MMP26: variants seen among roughly 807,000 people sequenced by gnomAD.
MMP26 encodes the protein matrix metallopeptidase 26.
Under a neutral mutation model 31.0 loss-of-function variants are expected in MMP26, and 33 were observed. The observed-to-expected ratio is 1.06, with a 90% confidence interval of 0.81 to 1.42. MMP26 has a LOEUF of 1.42. Ranked by LOEUF, MMP26 falls within the 40% of genes most tolerant of loss-of-function variation. The pLI is 0.00. For missense variants in MMP26, 347 were observed against 316.1 expected (o/e 1.10, Z -0.74); for synonymous variants, 122 against 114.9 (o/e 1.06, Z -0.40).
At chr11:4,848,720 G>A in intron 2 of MMP26, 2 of 1,614,070 alleles carry the variant, frequency 1.2e-6, no homozygotes, top group Non-Finnish European at 1.7e-6. Flanking sequence ...GGGGCAGATG[G>A]AGACCCAGGC....
chr11:4,834,896 C>CTA (rs924581963), intron 2 of MMP26, among the ~76,000 whole-genome samples: 25 of 151,284 alleles, frequency 1.7e-4, no homozygotes, highest in African/African-American at 3.9e-4. Context: ...ATTATTTTGT[C>CTA]TATATATATA....
chr11:4,987,974 G>A (rs1373865088), intron 2 of MMP26, 94 bp from the exon 3 acceptor site: 1 of 546,876 alleles, frequency 1.8e-6, no homozygotes, highest in African/African-American at 1.9e-5. Context: ...TGTGGCCCGG[G>A]ATGCTGAGGA....
At chr11:4,756,478 A>G (rs1274339675) in intron 1 of MMP26, among the ~76,000 whole-genome samples, 1 of 152,118 alleles carries the variant, frequency 6.6e-6, no homozygotes, top group East Asian at 1.9e-4. Context: ...TTTGACTTAA[A>G]TAAGTTTTTT....
chr11:4,891,204 G>A (rs1368063381), intron 2 of MMP26, among the ~76,000 whole-genome samples: 1 of 152,028 alleles, frequency 6.6e-6, no homozygotes, highest in Non-Finnish European at 1.5e-5. Context: ...AAAGAAAAGA[G>A]GTTTAATTGG....
chr11:4,820,020 C>T (rs189588104), intron 2 of MMP26, among the ~76,000 whole-genome samples: 4 of 152,148 alleles, frequency 2.6e-5, no homozygotes, highest in African/African-American at 7.2e-5. Flanking sequence ...CTTCATATCT[C>T]CACAGTTCAC....
chr11:4,765,470 TG>T (rs1399897184), intron 1 of MMP26, among the ~76,000 whole-genome samples: 1 of 152,228 alleles, frequency 6.6e-6, no homozygotes, highest in African/African-American at 2.4e-5. Context: ...CCTAGCCCCT[TG>T]TTGGCTGCTT....
chr11:4,848,504 C>T (rs1564793114), intron 2 of MMP26: 3 of 1,613,634 alleles, frequency 1.9e-6, no homozygotes, highest in South Asian at 2.2e-5. Flanking sequence ...CTCTGGACTC[C>T]ACACCTTGCA....
At chr11:4,920,999 T>C (rs1291856203) in intron 2 of MMP26, among the ~76,000 whole-genome samples, 1 of 152,228 alleles carries the variant, frequency 6.6e-6, no homozygotes, top group African/African-American at 2.4e-5. Flanking sequence ...TCTGTGAGTT[T>C]AGAGGTAGCT....
chr11:4,895,506 T>C (rs1353790788), intron 2 of MMP26, among the ~76,000 whole-genome samples: 1 of 152,164 alleles, frequency 6.6e-6, no homozygotes, highest in African/African-American at 2.4e-5. Flanking sequence ...CAAATCCCTA[T>C]CCCACAAAGA....
At chr11:4,914,927 C>T (rs1298276873) in intron 2 of MMP26, 3 of 1,614,084 alleles carry the variant, frequency 1.9e-6, no homozygotes, top group Admixed American at 1.7e-5. Context: ...GTGGGAAACA[C>T]AGGTGTTAAG....
Position 4,858,755 on chromosome 11 carries a change from G to A in MMP26, c.-145+91414G>A, listed in dbSNP as rs144853795. Among the ~76,000 whole-genome samples the A allele has an allele frequency of 8.2e-3, 1,241 of 152,196 alleles. 5 individuals carry two copies. Among genetic ancestry groups the A allele is most frequent in the Non-Finnish European group, 0.013 (870 of 68,004 alleles). On this transcript the variant is annotated intron_variant, in intron 2 of 7. Transcript: ENST00000380390. Reference sequence around the variant, plus strand: ...TTCATATGGAACCAAAAAAGAGCCCGCATTGCCAAGATAATCCTAAGCCAA... The same window carrying A: ...TTCATATGGAACCAAAAAAGAGCCCACATTGCCAAGATAATCCTAAGCCAA...
At chr11:4,975,578 A>G (rs900804944) in intron 2 of MMP26, among the ~76,000 whole-genome samples, 6 of 152,064 alleles carry the variant, frequency 3.9e-5, no homozygotes, top group Non-Finnish European at 8.8e-5. Flanking sequence ...AAGTGTATTT[A>G]ATGTTAAAAT....
chr11:4,941,676 T>C (rs966957863), intron 2 of MMP26, among the ~76,000 whole-genome samples: 2 of 152,174 alleles, frequency 1.3e-5, no homozygotes, highest in Non-Finnish European at 2.9e-5. Context: ...ATGCTACATT[T>C]TCTATTAGAT....
rs1564819722 is a variant in MMP26, at chr11:4,986,932, C to CTCTCTCCCTCTCTCTCT, written c.-144-1136_-144-1135insTCTCTCCCTCTCTCTCT. On this transcript the variant is annotated intron_variant, in intron 2 of 7. Coordinates refer to ENST00000380390, the MANE Select transcript of MMP26 (RefSeq NM_021801.5). ...CTCTCTCTCTCTCTCTCTCTCTCTCCCTCTCTCTCTCTCTCTCTCTCTCTC... is the reference window on the plus strand; with the variant it reads ...CTCTCTCTCTCTCTCTCTCTCTCTCCTCTCTCCCTCTCTCTCTCTCTCTCTCTCTCTCTCTCTCTCTC... 1.3e-3 allele frequency among the ~76,000 whole-genome samples: 80 copies of CTCTCTCCCTCTCTCTCT among 60,428 alleles called. 6 individuals are homozygous for CTCTCTCCCTCTCTCTCT. Among genetic ancestry groups the CTCTCTCCCTCTCTCTCT allele is most frequent in the South Asian group, 5.4e-3 (8 of 1,470 alleles). The allele number at this position is 60,428 out of a possible 152,430, so 39.6% of individuals were successfully genotyped here.
intron 2 of MMP26, chr11:4,915,635 C>A (rs766389992): frequency 2.5e-6 from 4 of 1,613,242 alleles, no homozygotes; most frequent in Non-Finnish European, 3.4e-6. Context: ...AACGCTGCTG[C>A]TGCTGTTTCC....
chr11:4,848,424 A>G (rs757916167), intron 2 of MMP26: 1 of 1,613,942 alleles, frequency 6.2e-7, no homozygotes, highest in South Asian at 1.1e-5. Context: ...CAGGAGGATC[A>G]TAGGGATATA....
At chr11:4,910,262 A>G (rs921296040) in intron 2 of MMP26, among the ~76,000 whole-genome samples, 2 of 152,018 alleles carry the variant, frequency 1.3e-5, no homozygotes, top group African/African-American at 4.8e-5. Flanking sequence ...ACTTTATTCT[A>G]TAGTCTCATC....
chr11:4,974,113 T>A (rs999281644), intron 2 of MMP26, among the ~76,000 whole-genome samples: 25 of 152,090 alleles, frequency 1.6e-4, no homozygotes, highest in African/African-American at 5.3e-4. Context: ...CAAAATCTAA[T>A]CTTAAAATAG....
intron 2 of MMP26, among the ~76,000 whole-genome samples, chr11:4,778,551 A>G (rs1027849415): frequency 4.6e-5 from 7 of 152,048 alleles, no homozygotes; most frequent in Admixed American, 2.0e-4. Flanking sequence ...GCCTGGTATT[A>G]TAAGAATAAA....
Sources: allele counts gnomAD v4.1 joint callset (sites outside exome capture counted in the v4.1 genomes callset), GRCh38; gene constraint gnomAD v4.1.1; transcripts MANE v1.5; gene names NCBI Gene and HGNC (gene_info 2026-07-23, HGNC 2026-07-21).